LITAF: variants seen among roughly 807,000 people sequenced by gnomAD.
LITAF encodes the protein lipopolysaccharide-induced tumor necrosis factor-alpha factor.
Under a neutral mutation model 14.5 loss-of-function variants are expected in LITAF, and 9 were observed. That is an observed-to-expected ratio of 0.62 (90% confidence interval 0.37 to 1.08). The LOEUF is 1.08. Among genes scored for constraint, LITAF ranks in the 50% least tolerant of loss-of-function variants. The probability of loss-of-function intolerance (pLI) is 0.01; values close to 1 mark genes in which losing one functional copy is unlikely to be tolerated. For synonymous variants in LITAF, 98 were observed against 88.2 expected (o/e 1.11, Z -0.62); for missense variants, 206 against 213.4 (o/e 0.97, Z 0.22).
chr16:11,630,099 AGGACCCC>A (rs2065108794), intron 3 of LITAF, among the ~76,000 whole-genome samples: 1 of 152,190 alleles, frequency 6.6e-6, no homozygotes, highest in African/African-American at 2.4e-5. Context: ...GCGGGCACAC[AGGACCCC>A]GGAAGAACGG....
At position 11,548,701 on chromosome 16, in the gene LITAF, C is replaced by G. The variant is rs11544252; in HGVS notation, c.*936G>C. On this transcript the variant is annotated 3_prime_UTR_variant, in exon 4 of 4. Coordinates refer to ENST00000622633, the MANE Select transcript of LITAF (RefSeq NM_001136472.2). ...CTCTTGAAATTATGTTCAGGCCCAG[C>G]ATGGTAGCTTATGCCTGCAATCCCA... is the stretch of plus-strand genomic sequence containing the variant. The G allele has an allele frequency of 2.2e-6, 1 of 453,574 alleles. No individual in the cohort carries two copies. Among genetic ancestry groups the G allele is most frequent in the Admixed American group, 2.4e-5 (1 of 42,508 alleles). The allele number at this position is 453,574 out of a possible 1,614,324, so 28.1% of individuals were successfully genotyped here.
At chr16:11,630,401 C>T (rs948150795) in intron 3 of LITAF, among the ~76,000 whole-genome samples, 1 of 152,154 alleles carries the variant, frequency 6.6e-6, no homozygotes, top group African/African-American at 2.4e-5. Context: ...GATGACAAAT[C>T]CCAGCCTCCC....
chr16:11,617,248 G>C (rs778580006), intron 3 of LITAF, among the ~76,000 whole-genome samples: 2 of 151,814 alleles, frequency 1.3e-5, no homozygotes, highest in African/African-American at 4.8e-5. Flanking sequence ...AAATAAAAAA[G>C]ATGCCAGCAC....
chr16:11,563,090 C>T (rs2141750345), intron 1 of LITAF, among the ~76,000 whole-genome samples: 1 of 152,060 alleles, frequency 6.6e-6, no homozygotes, highest in South Asian at 2.1e-4. Context: ...GATCACACCA[C>T]TGCACTCCAG....
chr16:11,561,272 TTC>T (rs1476229549), intron 1 of LITAF: 1 of 152,222 alleles, frequency 6.6e-6, no homozygotes, highest in Non-Finnish European at 1.5e-5. Flanking sequence ...AATGGCTGAA[TTC>T]GGCAGCGGCG....
At chr16:11,592,941 T>C (rs1397761244) in intron 1 of LITAF, among the ~76,000 whole-genome samples, 13 of 151,834 alleles carry the variant, frequency 8.6e-5, no homozygotes, top group Admixed American at 7.9e-4. Flanking sequence ...GAGGCCGAGG[T>C]GGGTTGATCA....
At chr16:11,587,263 T>C, upstream of LITAF, 1 of 408,474 alleles carries the variant, frequency 2.4e-6, no homozygotes, top group East Asian at 7.2e-5. Context: ...CCCTCCTGAT[T>C]TGCCGCTCGC....
At position 11,556,643 on chromosome 16, in the gene LITAF, T is replaced by C; in HGVS notation, c.88A>G (p.Asn30Asp). 1 of 1,614,176 alleles carries C rather than the reference T, an allele frequency of 6.2e-7. No homozygotes were observed. The highest frequency in any genetic ancestry group is 8.5e-7 in the Non-Finnish European group (1 of 1,180,042). The change falls in exon 2 of 4, where the codon AAC becomes GAC. Residue 30 changes from asparagine to aspartate, a missense_variant. Transcript: ENST00000622633. The part of the protein sequence containing the change: ...PPSYEETVAV[N>D]SYYPTPPAPM... Reference sequence around the variant, plus strand: ...GCTGGAGGTGTGGGGTAATAACTGTTAACAGCCACTGTCTCTTCATAGGAT... The same window carrying C: ...GCTGGAGGTGTGGGGTAATAACTGTCAACAGCCACTGTCTCTTCATAGGAT...
chr16:11,629,836 TAAC>T, intron 3 of LITAF, among the ~76,000 whole-genome samples: 1 of 152,154 alleles, frequency 6.6e-6, no homozygotes, highest in African/African-American at 2.4e-5. Flanking sequence ...CGGTACGGAT[TAAC>T]AAGGCCATGT....
intron 3 of LITAF, among the ~76,000 whole-genome samples, chr16:11,616,370 A>G (rs1373960941): frequency 1.3e-5 from 2 of 151,958 alleles, no homozygotes; most frequent in Admixed American, 1.3e-4. Flanking sequence ...CCAGCTACTC[A>G]GAAGGCTGAG....
Position 11,556,819 on chromosome 16 carries a change from T to A in LITAF, c.-5-84A>T, listed in dbSNP as rs938808244. On this transcript the variant is annotated intron_variant, in intron 1 of 3. Transcript: ENST00000622633. ...TCACCTAAGTCTTCAATTTTCTTTC[T>A]GGCAAACAGAAATTCTGAGAAAATG... 4.2e-6 allele frequency: 5 copies of A among 1,199,990 alleles called. No individual in the cohort carries two copies. In the Admixed American group the frequency reaches 9.6e-5, roughly 23 times the overall value. The allele number at this position is 1,199,990 out of a possible 1,614,324, so 74.3% of individuals were successfully genotyped here. A position where few individuals can be genotyped will look rare whatever the true frequency, so the allele number is the denominator to read the frequency against.
chr16:11,615,625 A>C (rs957194323), intron 3 of LITAF, among the ~76,000 whole-genome samples: 1 of 152,200 alleles, frequency 6.6e-6, no homozygotes, highest in Non-Finnish European at 1.5e-5. Context: ...CCGAGATTGC[A>C]CCACTGCACT....
intron 1 of LITAF, among the ~76,000 whole-genome samples, chr16:11,567,411 C>A (rs1461936058): frequency 2.7e-5 from 4 of 149,588 alleles, no homozygotes; most frequent in African/African-American, 4.9e-5. Flanking sequence ...CAGAGCAAGA[C>A]TCCGTCTGGA....
chr16:11,563,406 TCC>T (rs985189389), intron 1 of LITAF, among the ~76,000 whole-genome samples: 1 of 152,122 alleles, frequency 6.6e-6, no homozygotes, highest in Non-Finnish European at 1.5e-5. Flanking sequence ...CGCCTTGGCC[TCC>T]CAGAGTGCTG....
chr16:11,566,689 T>C (rs1204101916), intron 1 of LITAF, among the ~76,000 whole-genome samples: 9 of 152,058 alleles, frequency 5.9e-5, no homozygotes. Context: ...CCTCGATCAC[T>C]TGAGCCCAGG....
rs112262283 is a variant in LITAF, at chr16:11,622,903, T to A, written c.85+10630A>T. On this transcript the variant is annotated intron_variant, in intron 3 of 3. Transcript: ENST00000574848. ...GTATTTCGTATATCATTAGTTCATTTAATCGTCATCATGACCCAATTAGTT... is the reference window on the plus strand; with the variant it reads ...GTATTTCGTATATCATTAGTTCATTAAATCGTCATCATGACCCAATTAGTT... Among the ~76,000 whole-genome samples, 106 of 151,874 alleles carry A rather than the reference T, an allele frequency of 7.0e-4. 1 individual carries two copies. Among genetic ancestry groups the A allele is most frequent in the African/African-American group, 2.4e-3 (98 of 41,438 alleles).
intron 3 of LITAF, among the ~76,000 whole-genome samples, chr16:11,625,828 C>G (rs2065080059): frequency 6.6e-6 from 1 of 152,154 alleles, no homozygotes; most frequent in Non-Finnish European, 1.5e-5. Flanking sequence ...CTAGTTCTAA[C>G]TCCAGCCCTG....
intron 1 of LITAF, among the ~76,000 whole-genome samples, chr16:11,593,528 C>A (rs559090258): frequency 7.9e-5 from 12 of 152,144 alleles, no homozygotes; most frequent in East Asian, 1.9e-4. Flanking sequence ...AAAACTTGTA[C>A]GAGAATGTTC....
intron 3 of LITAF, among the ~76,000 whole-genome samples, chr16:11,621,111 G>A (rs2065048141): frequency 6.6e-6 from 1 of 151,914 alleles, no homozygotes; most frequent in African/African-American, 2.4e-5. Flanking sequence ...CCAGCCTGGA[G>A]TGCAATGGCA....
Sources: allele counts gnomAD v4.1 joint callset (sites outside exome capture counted in the v4.1 genomes callset), GRCh38; gene constraint gnomAD v4.1.1; transcripts MANE v1.5; gene names NCBI Gene and HGNC (gene_info 2026-07-23, HGNC 2026-07-21).